CCDC192: variants seen among roughly 807,000 people sequenced by gnomAD.
CCDC192 encodes the protein coiled-coil domain containing 192, also known as coiled-coil domain-containing protein 192.
intron 2 of CCDC192, among the ~76,000 whole-genome samples, chr5:127,745,058 C>A (rs1753660275): frequency 1.3e-5 from 2 of 152,196 alleles, no homozygotes; most frequent in Admixed American, 1.3e-4. Flanking sequence ...TGCTCTGGTA[C>A]AGCCACCTTC....
intron 6 of CCDC192, among the ~76,000 whole-genome samples, chr5:127,915,987 G>A (rs1488481420): frequency 6.6e-6 from 1 of 152,186 alleles, no homozygotes; most frequent in Non-Finnish European, 1.5e-5. Flanking sequence ...TCTGTAGCAT[G>A]TGATGCTGTT....
At chr5:127,814,342 G>C (rs1758243242) in intron 5 of CCDC192, among the ~76,000 whole-genome samples, 1 of 152,158 alleles carries the variant, frequency 6.6e-6, no homozygotes, top group South Asian at 2.1e-4. Flanking sequence ...TGTCCAGTTT[G>C]AGCCCATGGG....
chr5:127,903,422 T>A (rs1753105827), intron 6 of CCDC192, among the ~76,000 whole-genome samples: 1 of 152,156 alleles, frequency 6.6e-6, no homozygotes, highest in Non-Finnish European at 1.5e-5. Flanking sequence ...TTTGTATTTT[T>A]AGTAGAGACG....
chr5:127,772,185 G>A (rs557613011), intron 3 of CCDC192, among the ~76,000 whole-genome samples: 1 of 152,266 alleles, frequency 6.6e-6, no homozygotes, highest in East Asian at 1.9e-4. Context: ...CAACGGCCAG[G>A]TGCAGTGGCT....
At chr5:127,751,182 G>A (rs1330324468) in intron 2 of CCDC192, among the ~76,000 whole-genome samples, 1,701 of 150,468 alleles carry the variant, frequency 0.011, 32 homozygotes, top group African/African-American at 0.039. Flanking sequence ...TATTTTGCTC[G>A]TTAGTTGATG....
rs186815206 is a variant in CCDC192, at chr5:127,910,628, A to C, written c.536-30554A>C. Among the ~76,000 whole-genome samples, 658 of 152,328 alleles carry C rather than the reference A, an allele frequency of 4.3e-3. 5 individuals carry two copies. The highest frequency in any genetic ancestry group is 0.015 in the African/African-American group (642 of 41,580). The stretch of plus-strand genomic sequence containing the variant: ...ATAACTGAATGTAGCACAATTCCCC[A>C]AAAAGTCCCATTGTTTCCCCGCTGC... On this transcript the variant is annotated intron_variant, in intron 6 of 6. Transcript: ENST00000514853.
At chr5:127,840,097 T>A (rs778165317) in intron 5 of CCDC192, among the ~76,000 whole-genome samples, 3 of 152,146 alleles carry the variant, frequency 2.0e-5, no homozygotes, top group Admixed American at 6.5e-5. Context: ...ATGTTTCAAT[T>A]TGAGAGGTCT....
Position 127,870,990 on chromosome 5 carries a change from T to G in CCDC192, c.412-4548T>G, listed in dbSNP as rs1751830725. On this transcript the variant is annotated intron_variant, in intron 5 of 6. Transcript: ENST00000514853. ...TGGGCCACTGAAGACAAAACCCCTTTGTTATACAGGCTCTCTAAGTGAAGG... is the reference window on the plus strand; with the variant it reads ...TGGGCCACTGAAGACAAAACCCCTTGGTTATACAGGCTCTCTAAGTGAAGG... 1.3e-5 allele frequency among the ~76,000 whole-genome samples: 2 copies of G among 152,366 alleles called. 1 individual carries two copies. Among genetic ancestry groups the G allele is most frequent in the Middle Eastern group, 6.8e-3 (2 of 294 alleles).
At chr5:127,879,096 G>A (rs1752242113) in intron 6 of CCDC192, among the ~76,000 whole-genome samples, 1 of 151,906 alleles carries the variant, frequency 6.6e-6, no homozygotes, top group South Asian at 2.1e-4. Flanking sequence ...TCAGCTTAAG[G>A]AGATTTTGGG....
intron 3 of CCDC192, among the ~76,000 whole-genome samples, chr5:127,774,465 C>T (rs1328615641): frequency 1.3e-5 from 2 of 152,172 alleles, no homozygotes; most frequent in Non-Finnish European, 2.9e-5. Context: ...CAAGTTCTAA[C>T]ATGTTGGTTA....
At chr5:127,797,320 G>T in intron 4 of CCDC192, 86 bp downstream of exon 4, 1 of 385,062 alleles carries the variant, frequency 2.6e-6, no homozygotes, top group Non-Finnish European at 4.6e-6. Context: ...TTTCAGTCTG[G>T]ATTAAAAGTC....
At chr5:127,755,101 C>T (rs989826787) in intron 3 of CCDC192, among the ~76,000 whole-genome samples, 1 of 152,152 alleles carries the variant, frequency 6.6e-6, no homozygotes, top group South Asian at 2.1e-4. Context: ...CTTGGAGTCT[C>T]GGTCCCCCAG....
chr5:127,705,598 A>G (rs540207456), intron 1 of CCDC192, among the ~76,000 whole-genome samples: 2 of 152,266 alleles, frequency 1.3e-5, no homozygotes, highest in Admixed American at 1.3e-4. Context: ...TGGATGTCCA[A>G]AACCTGCTTG....
chr5:127,782,777 C>T (rs539417300), intron 3 of CCDC192, among the ~76,000 whole-genome samples: 7 of 151,922 alleles, frequency 4.6e-5, no homozygotes, highest in Non-Finnish European at 1.0e-4. Flanking sequence ...GTTAATTTCT[C>T]TTTTGTATTT....
chr5:127,840,108 G>A (rs1288818187), intron 5 of CCDC192, among the ~76,000 whole-genome samples: 1 of 152,146 alleles, frequency 6.6e-6, no homozygotes, highest in Non-Finnish European at 1.5e-5. Flanking sequence ...TGAGAGGTCT[G>A]AGGGTGGCTG....
intron 5 of CCDC192, among the ~76,000 whole-genome samples, chr5:127,867,352 C>T (rs2127118239): frequency 6.6e-6 from 1 of 152,300 alleles, no homozygotes. Context: ...TATTGCTCTT[C>T]ATTATTTTTG....
intron 2 of CCDC192, among the ~76,000 whole-genome samples, chr5:127,719,558 T>TACACACACTCAC (rs372022175): frequency 4.8e-5 from 1 of 20,858 alleles, no homozygotes. Context: ...TATATATATA[T>TACACACACTCAC]ACACACATAC....
intron 3 of CCDC192, among the ~76,000 whole-genome samples, chr5:127,780,673 T>G (rs534214136): frequency 4.6e-5 from 7 of 152,298 alleles, no homozygotes; most frequent in African/African-American, 1.7e-4. Context: ...TGGGACTGCT[T>G]GTTTTTTTCT....
intron 3 of CCDC192, among the ~76,000 whole-genome samples, chr5:127,761,723 G>A (rs980881865): frequency 7.2e-5 from 11 of 152,106 alleles, no homozygotes; most frequent in African/African-American, 2.7e-4. Flanking sequence ...TCTCTTGAGA[G>A]TTTTAACTAT....
Sources: gnomAD v4.1 joint callset for allele counts (sites outside exome capture counted in the v4.1 genomes callset) on GRCh38, gnomAD v4.1.1 for gene constraint, MANE v1.5 for transcripts, NCBI Gene and HGNC (gene_info 2026-07-23, HGNC 2026-07-21) for gene names.